The following TPX2 variants were observed in gnomAD, a reference collection of about 807,000 sequenced individuals.
TPX2 encodes targeting protein for Xklp2.
Under a neutral mutation model 93.6 loss-of-function variants are expected in TPX2, and 21 were observed. The observed-to-expected ratio is 0.22, with a 90% CI of 0.16 to 0.32. The LOEUF (loss-of-function observed/expected upper bound fraction) is 0.32. Ranked by LOEUF, TPX2 falls within the 10% of genes least tolerant of loss-of-function variation. The probability of loss-of-function intolerance (pLI) is 1.00; values close to 1 mark genes in which losing one functional copy is unlikely to be tolerated. For missense variants in TPX2, 776 were observed against 871.1 expected (o/e 0.89, Z 1.37); for synonymous variants, 281 against 298.3 (o/e 0.94, Z 0.60).
intron 12 of TPX2, among the ~76,000 whole-genome samples, chr20:31,784,302 A>G (rs2123063120): frequency 6.6e-6 from 1 of 152,320 alleles, no homozygotes; most frequent in South Asian, 2.1e-4. Flanking sequence ...AATAGCTGAC[A>G]ATTTTACTGT....
chr20:31,764,946 GTT>G, intron 4 of TPX2, among the ~76,000 whole-genome samples: 4 of 148,548 alleles, frequency 2.7e-5, no homozygotes, highest in Non-Finnish European at 4.5e-5. Flanking sequence ...ATTCTGTTTT[GTT>G]TTTTTGTTTT....
At chr20:31,767,875 T>A (rs1004488309) in intron 5 of TPX2, among the ~76,000 whole-genome samples, 1 of 151,360 alleles carries the variant, frequency 6.6e-6, no homozygotes, top group Non-Finnish European at 1.5e-5. Flanking sequence ...ATAATCAGAG[T>A]TTAGTGTTTA....
intron 9 of TPX2, 142 bp downstream of exon 9, chr20:31,777,780 C>CTTT (rs201232874): frequency 1.1e-4 from 72 of 654,948 alleles, no homozygotes; most frequent in African/African-American, 1.6e-4. Flanking sequence ...TATAACAGAT[C>CTTT]TTTTTTTTTT....
At chr20:31,794,683 C>T (rs2062124426) in intron 15 of TPX2, 135 bp downstream of exon 15, 2 of 1,139,600 alleles carry the variant, frequency 1.8e-6, no homozygotes, top group Admixed American at 5.2e-5. Context: ...CAGGGGTCAG[C>T]ACATTATTTC....
chr20:31,743,809 C>T (rs1294108693), intron 2 of TPX2, among the ~76,000 whole-genome samples: 2 of 151,532 alleles, frequency 1.3e-5, no homozygotes, highest in African/African-American at 4.9e-5. Flanking sequence ...TTACCGTAAC[C>T]TCCGCCTCCC....
intron 5 of TPX2, among the ~76,000 whole-genome samples, chr20:31,767,888 C>A (rs531947967): frequency 6.6e-6 from 1 of 151,796 alleles, no homozygotes; most frequent in East Asian, 1.9e-4. Flanking sequence ...AGTGTTTACC[C>A]TCTCTGTGGT....
intron 2 of TPX2, among the ~76,000 whole-genome samples, chr20:31,742,924 C>G (rs1451958378): frequency 6.6e-6 from 1 of 151,992 alleles, no homozygotes; most frequent in African/African-American, 2.4e-5. Flanking sequence ...TATCAAAATT[C>G]TCATATGCGG....
At chr20:31,789,949 A>T (rs990191684) in intron 12 of TPX2, among the ~76,000 whole-genome samples, 10 of 152,206 alleles carry the variant, frequency 6.6e-5, no homozygotes, top group African/African-American at 2.4e-4. Context: ...TTATTTTATT[A>T]AAAAACCCCA....
chr20:31,761,724 A>G (rs1302134969), intron 4 of TPX2, among the ~76,000 whole-genome samples: 2 of 152,204 alleles, frequency 1.3e-5, no homozygotes, highest in African/African-American at 2.4e-5. Flanking sequence ...GAGTGCACAT[A>G]GATATCTCTT....
intron 2 of TPX2, among the ~76,000 whole-genome samples, chr20:31,752,831 G>T (rs954343412): frequency 6.6e-6 from 1 of 152,070 alleles, no homozygotes. Context: ...AGCCAGGATG[G>T]TCTCAATCTC....
intron 2 of TPX2, among the ~76,000 whole-genome samples, chr20:31,756,701 G>A (rs557448071): frequency 1.3e-5 from 2 of 152,044 alleles, no homozygotes; most frequent in Admixed American, 1.3e-4. Context: ...TCGACTCACT[G>A]CAACTTTCAC....
chr20:31,786,781 G>A (rs1242145865), intron 12 of TPX2, among the ~76,000 whole-genome samples: 1 of 152,230 alleles, frequency 6.6e-6, no homozygotes, highest in Non-Finnish European at 1.5e-5. Flanking sequence ...GGGTGAAGTA[G>A]TAAGTAGGGA....
intron 11 of TPX2, 97 bp from the exon 12 acceptor site, chr20:31,783,608 T>G: frequency 2.5e-6 from 3 of 1,191,228 alleles, no homozygotes; most frequent in Non-Finnish European, 3.6e-6. Context: ...GAGCATAATC[T>G]TAATGATTAC....
At chr20:31,777,434 T>G in intron 8 of TPX2, 53 bp from the exon 9 acceptor site, 1 of 1,579,430 alleles carries the variant, frequency 6.3e-7, no homozygotes, top group Non-Finnish European at 8.6e-7. Flanking sequence ...GGGGATTTAC[T>G]GGTGTTCCCT....
chr20:31,744,106 G>A (rs1008243631), intron 2 of TPX2, among the ~76,000 whole-genome samples: 4 of 146,806 alleles, frequency 2.7e-5, no homozygotes, highest in South Asian at 2.1e-4. Context: ...ACAGCCAACT[G>A]TATTTCATTT....
At chr20:31,773,337 GATGGAGTTTCACC>G (rs931262318) in intron 7 of TPX2, among the ~76,000 whole-genome samples, 1 of 151,850 alleles carries the variant, frequency 6.6e-6, no homozygotes, top group African/African-American at 2.4e-5. Flanking sequence ...TTTTAGTAGA[GATGGAGTTTCACC>G]ATGTTGGCCA....
intron 5 of TPX2, among the ~76,000 whole-genome samples, chr20:31,767,857 T>G (rs2123015576): frequency 6.6e-6 from 1 of 151,304 alleles, no homozygotes; most frequent in South Asian, 2.1e-4. Context: ...CAGGCCAGAG[T>G]AGAGTTTATA....
At chr20:31,755,690 G>A (rs2061847715) in intron 2 of TPX2, among the ~76,000 whole-genome samples, 1 of 151,948 alleles carries the variant, frequency 6.6e-6, no homozygotes, top group Non-Finnish European at 1.5e-5. Context: ...GAACCCGGAA[G>A]GCAGAGGTTG....
At chr20:31,791,009 T>G (rs1472443841) in intron 12 of TPX2, among the ~76,000 whole-genome samples, 1 of 152,064 alleles carries the variant, frequency 6.6e-6, no homozygotes, top group Non-Finnish European at 1.5e-5. Context: ...TTGGGTGCTT[T>G]CAAGCAGCCG....
Sources: gnomAD v4.1 joint callset for allele counts (sites outside exome capture counted in the v4.1 genomes callset) on GRCh38, gnomAD v4.1.1 for gene constraint, MANE v1.5 for transcripts, NCBI Gene and HGNC (gene_info 2026-07-23, HGNC 2026-07-21) for gene names.